Variants in ROS1 observed in about 807,000 individuals in gnomAD.
ROS1 encodes ROS proto-oncogene 1, receptor tyrosine kinase.
ROS1 carries 263 observed loss-of-function variants against 273.5 expected under a neutral mutation model. The ratio of observed to expected loss-of-function variants is 0.96; its 90% CI spans 0.87 to 1.06. The LOEUF is 1.06. ROS1 is among the 50% of genes least tolerant of loss of function. ROS1 has a pLI of 0.00. For synonymous variants in ROS1, 1,008 were observed against 954.1 expected (o/e 1.06, Z -1.04); for missense variants, 2,833 against 2,751.1 (o/e 1.03, Z -0.67).
chr6:117,388,291 A>G (rs1772762750), intron 13 of ROS1, among the ~76,000 whole-genome samples: 1 of 152,208 alleles, frequency 6.6e-6, no homozygotes, highest in Admixed American at 6.5e-5. Context: ...CTACAACACT[A>G]ATAGATATAA....
At chr6:117,348,232 A>G (rs1778532749) in intron 27 of ROS1, among the ~76,000 whole-genome samples, 1 of 151,974 alleles carries the variant, frequency 6.6e-6, no homozygotes, top group Non-Finnish European at 1.5e-5. Flanking sequence ...CTATTTCAGA[A>G]GGCTATTAAT....
chr6:117,313,363 T>C (rs1775682393), intron 39 of ROS1, among the ~76,000 whole-genome samples: 1 of 151,934 alleles, frequency 6.6e-6, no homozygotes, highest in African/African-American at 2.4e-5. Context: ...TCATCAGGAG[T>C]TCGAGACCAG....
chr6:117,404,225 A>C (rs2128726007), intron 6 of ROS1, 55 bp downstream of exon 6: 1 of 1,561,912 alleles, frequency 6.4e-7, no homozygotes, highest in Non-Finnish European at 8.7e-7. Flanking sequence ...CGTCTCAAAA[A>C]AAAAAAAAAA....
intron 4 of ROS1, 136 bp from the exon 5 acceptor site, chr6:117,409,778 T>G (rs1406764174): frequency 2.9e-6 from 2 of 691,042 alleles, no homozygotes; most frequent in Non-Finnish European, 5.3e-6. Context: ...ATCTTTGAAA[T>G]CGGAGTGCCT....
At chr6:117,398,077 T>G (rs1158085573) in intron 7 of ROS1, among the ~76,000 whole-genome samples, 2 of 152,186 alleles carry the variant, frequency 1.3e-5, no homozygotes, top group African/African-American at 4.8e-5. Context: ...CATCATTGCA[T>G]CACTCCTCGG....
rs79988703 is a variant in ROS1, at chr6:117,327,691, C to T, written c.5349-1277G>A. Among the ~76,000 whole-genome samples, 607 of 152,310 alleles carry T rather than the reference C, an allele frequency of 4.0e-3. 18 individuals are homozygous for T. Among genetic ancestry groups the T allele is most frequent in the East Asian group, 6.2e-3 (32 of 5,182 alleles). ...ACATGGTTTGTGTACTGGATTGAGT[C>T]ATGTCCTCCCAAAATTCATACCCAC... On this transcript the variant is annotated intron_variant, in intron 33 of 43. Coordinates refer to ENST00000368507, the MANE Select transcript of ROS1 (RefSeq NM_001378902.1).
At chr6:117,305,320 C>T (rs895968106) in intron 42 of ROS1, among the ~76,000 whole-genome samples, 5 of 152,026 alleles carry the variant, frequency 3.3e-5, no homozygotes, top group Admixed American at 2.6e-4. Flanking sequence ...AGAGGAGGCC[C>T]GGGAAGAGGA....
intron 18 of ROS1, among the ~76,000 whole-genome samples, chr6:117,370,013 A>G (rs1024201077): frequency 6.6e-5 from 10 of 152,192 alleles, no homozygotes; most frequent in Admixed American, 4.6e-4. Flanking sequence ...ATATGAATGT[A>G]TGTGGATATA....
In ROS1 at chr6:117,288,439, T is replaced by C; in HGVS notation, c.*53A>G. 7.0e-7 allele frequency: 1 copy of C among 1,424,160 alleles called. No homozygotes were observed. Among genetic ancestry groups the C allele is most frequent in the South Asian group, 1.3e-5 (1 of 75,116 alleles). 88.2% of individuals were successfully genotyped at this position (1,424,160 alleles called of 1,614,324 possible). On this transcript the variant is annotated 3_prime_UTR_variant, in exon 44 of 44. Coordinates refer to ENST00000368507, the MANE Select transcript of ROS1 (RefSeq NM_001378902.1). ...TCATTCTAGCAGAGTTTTCTTTCAG[T>C]AACTACTGAATGAGAGTGTTTATCT...
In ROS1 at chr6:117,341,130, T is replaced by A. The variant is rs1387877289; in HGVS notation, c.5061+5A>T. 6.3e-7 allele frequency: 1 copy of A among 1,590,046 alleles called. No individual in the cohort carries two copies. The highest frequency in any genetic ancestry group is 1.8e-5 in the Admixed American group (1 of 55,508). Reference sequence around the variant, plus strand: ...ATAAAATAAAGACTTGCATTAAAAGTCTACCTTCTGTAGCTCAACCCAAAA... The same window carrying A: ...ATAAAATAAAGACTTGCATTAAAAGACTACCTTCTGTAGCTCAACCCAAAA... On this transcript the variant is annotated splice_donor_5th_base_variant and intron_variant, in intron 31 of 43. Transcript: ENST00000368507.
chr6:117,358,393 C>G (rs145139500), intron 24 of ROS1, among the ~76,000 whole-genome samples: 2 of 152,128 alleles, frequency 1.3e-5, no homozygotes, highest in Non-Finnish European at 2.9e-5. Flanking sequence ...ATTTCCAACA[C>G]CACCCAAGGA....
At chr6:117,390,167 C>G (rs898463319) in intron 12 of ROS1, among the ~76,000 whole-genome samples, 5 of 151,794 alleles carry the variant, frequency 3.3e-5, no homozygotes, top group African/African-American at 1.2e-4. Context: ...TACTCTGTCA[C>G]CCAGGCTGGA....
intron 16 of ROS1, 66 bp from the exon 17 acceptor site, chr6:117,383,574 T>C: frequency 4.2e-6 from 5 of 1,191,866 alleles, no homozygotes; most frequent in Non-Finnish European, 6.2e-6. Flanking sequence ...TGAATATTTA[T>C]TGCAATCATT....
chr6:117,318,392 T>C, intron 37 of ROS1, 140 bp from the exon 38 acceptor site: 2 of 659,218 alleles, frequency 3.0e-6, no homozygotes, highest in Non-Finnish European at 5.4e-6. Context: ...CATGTGCATG[T>C]ATTCTACAAA....
In ROS1 at chr6:117,421,211, A is replaced by G. The variant is rs889788523; in HGVS notation, c.124-2705T>C. Among the ~76,000 whole-genome samples the G allele has an allele frequency of 8.8e-5, 13 of 148,044 alleles. No homozygotes were observed. The East Asian group carries it at 2.3e-3, about 27-fold the overall frequency. Reference sequence around the variant, plus strand: ...GAATATATGAATTGGAATACATATTATATTGGAATTATATATATTATATTG... The same window carrying G: ...GAATATATGAATTGGAATACATATTGTATTGGAATTATATATATTATATTG... On this transcript the variant is annotated intron_variant, in intron 1 of 43. Transcript: ENST00000368507.
At chr6:117,344,292 T>C in intron 27 of ROS1, 30 bp from the exon 28 acceptor site, 1 of 1,496,718 alleles carries the variant, frequency 6.7e-7, no homozygotes, top group South Asian at 1.1e-5. Flanking sequence ...AAAGATTAAA[T>C]ATCTATACTA....
chr6:117,327,581 C>T (rs1776734354), intron 33 of ROS1, among the ~76,000 whole-genome samples: 1 of 152,092 alleles, frequency 6.6e-6, no homozygotes, highest in African/African-American at 2.4e-5. Flanking sequence ...TCCACAACAG[C>T]TTAAAGAGAT....
intron 27 of ROS1, among the ~76,000 whole-genome samples, chr6:117,351,696 C>A (rs1778880880): frequency 6.6e-6 from 1 of 152,112 alleles, no homozygotes; most frequent in Non-Finnish European, 1.5e-5. Context: ...CTGGGGACAG[C>A]AGTTTGCTCT....
At chr6:117,404,902 T>A (rs931381391) in intron 5 of ROS1, among the ~76,000 whole-genome samples, 14 of 152,212 alleles carry the variant, frequency 9.2e-5, no homozygotes, top group African/African-American at 3.4e-4. Flanking sequence ...TACAGAGCAA[T>A]TGCCTTTACT....
Sources: allele counts gnomAD v4.1 joint callset (sites outside exome capture counted in the v4.1 genomes callset), GRCh38; gene constraint gnomAD v4.1.1; transcripts MANE v1.5; gene names NCBI Gene and HGNC (gene_info 2026-07-23, HGNC 2026-07-21).